The following UBP1 variants were observed in gnomAD, a reference collection of about 807,000 sequenced individuals.
The protein encoded by UBP1 is upstream-binding protein 1.
A neutral mutation model predicts 76.1 loss-of-function variants in UBP1; 22 were observed. The observed-to-expected ratio is 0.29, with a 90% CI of 0.21 to 0.41. UBP1 has a LOEUF of 0.41. UBP1 is among the 10% of genes least tolerant of loss of function. The pLI is 1.00. For missense variants in UBP1, 436 were observed against 668.1 expected (o/e 0.65, Z 3.83); for synonymous variants, 224 against 237.1 (o/e 0.94, Z 0.51).
At chr3:33,421,248 C>T (rs1467892571) in intron 2 of UBP1, among the ~76,000 whole-genome samples, 2 of 148,956 alleles carry the variant, frequency 1.3e-5, no homozygotes, top group Non-Finnish European at 3.0e-5. Context: ...AACTCCTCTT[C>T]TTATTCAGGC....
chr3:33,428,202 A>AAAAAAAAC (rs2045053039), intron 1 of UBP1, among the ~76,000 whole-genome samples: 1 of 151,622 alleles, frequency 6.6e-6, no homozygotes. Context: ...AAAAAAAAAA[A>AAAAAAAAC]AGAATCAGAT....
chr3:33,426,064 CTT>C (rs1407748989), intron 1 of UBP1, among the ~76,000 whole-genome samples: 2 of 122,078 alleles, frequency 1.6e-5, no homozygotes, highest in Non-Finnish European at 3.4e-5. Flanking sequence ...TCTTTTAAAA[CTT>C]TAAGGTCCAG....
chr3:33,428,448 T>C (rs1451796994), intron 1 of UBP1, among the ~76,000 whole-genome samples: 2 of 147,682 alleles, frequency 1.4e-5, no homozygotes, highest in African/African-American at 2.5e-5. Context: ...CAAAATAAGA[T>C]GTATAACTGC....
chr3:33,404,667 G>C lies in UBP1; in HGVS notation c.928-1763C>G, dbSNP rs138263127. 7.2e-5 allele frequency among the ~76,000 whole-genome samples: 11 copies of C among 151,944 alleles called. No individual in the cohort carries two copies. The East Asian group carries it at 1.7e-3, about 24-fold the overall frequency. On this transcript the variant is annotated intron_variant, in intron 8 of 15. Transcript: ENST00000283629. Reference sequence around the variant, plus strand: ...CATCTTGAAAAAAAGGAAAGAAAAAGTACATAACTCTAATGACTAAGTTTT... The same window carrying C: ...CATCTTGAAAAAAAGGAAAGAAAAACTACATAACTCTAATGACTAAGTTTT...
At chr3:33,439,703 CAG>C (rs1559696842) in intron 1 of UBP1, 31 bp downstream of exon 1, 1 of 1,606,178 alleles carries the variant, frequency 6.2e-7, no homozygotes, top group African/African-American at 1.3e-5. Context: ...CCCAAGGAGA[CAG>C]AGGCTTCTCC....
chr3:33,422,772 A>G (rs2044932371), intron 2 of UBP1, among the ~76,000 whole-genome samples: 1 of 129,824 alleles, frequency 7.7e-6, no homozygotes, highest in Admixed American at 7.9e-5. Context: ...GGGGGGGAGA[A>G]AGGGGGAGAA....
upstream of UBP1, chr3:33,441,195 C>T (rs1484195673): frequency 6.6e-6 from 1 of 152,306 alleles, no homozygotes; most frequent in Non-Finnish European, 1.5e-5. Flanking sequence ...GGGCACGCGC[C>T]ACTGCGGCCA....
chr3:33,435,914 T>A (rs887377090), intron 1 of UBP1, among the ~76,000 whole-genome samples: 8 of 152,196 alleles, frequency 5.3e-5, no homozygotes, highest in African/African-American at 1.9e-4. Flanking sequence ...ACAACAAAAA[T>A]TTTAAGTCAA....
chr3:33,393,601 TTCC>T (rs1420152739), intron 13 of UBP1, 147 bp from the exon 14 acceptor site: 1 of 659,172 alleles, frequency 1.5e-6, no homozygotes, highest in East Asian at 3.2e-5. Context: ...AACTATTTCT[TTCC>T]CCCATCTTAC....
chr3:33,421,663 G>A (rs2044897520), intron 2 of UBP1, among the ~76,000 whole-genome samples: 1 of 152,208 alleles, frequency 6.6e-6, no homozygotes, highest in Admixed American at 6.5e-5. Context: ...AGGAAAACTT[G>A]CTCCAATTTC....
chr3:33,420,290 T>C (rs574318745), intron 2 of UBP1, among the ~76,000 whole-genome samples: 1 of 152,300 alleles, frequency 6.6e-6, no homozygotes, highest in African/African-American at 2.4e-5. Context: ...CCAATAAACA[T>C]GCTGTTTCTA....
At chr3:33,420,574 C>T (rs185013753) in intron 2 of UBP1, among the ~76,000 whole-genome samples, 8 of 151,612 alleles carry the variant, frequency 5.3e-5, no homozygotes, top group South Asian at 2.1e-4. Context: ...CTGCAACCTC[C>T]GCCTCCTGGG....
chr3:33,432,268 G>A (rs2154059813), intron 1 of UBP1, among the ~76,000 whole-genome samples: 1 of 152,072 alleles, frequency 6.6e-6, no homozygotes, highest in South Asian at 2.1e-4. Context: ...AGGCTGCAGT[G>A]AGCCATGATT....
chr3:33,421,368 G>A (rs2044887809), intron 2 of UBP1, among the ~76,000 whole-genome samples: 1 of 152,178 alleles, frequency 6.6e-6, no homozygotes, highest in South Asian at 2.1e-4. Flanking sequence ...CACCTCCCAG[G>A]TTCAAGTGAT....
Position 33,390,139 on chromosome 3 carries a change from A to G in UBP1, c.*192T>C. The stretch of plus-strand genomic sequence containing the variant: ...CTGTGCCGATGTGCTCACTCTCATG[A>G]GGATGCTTGGCTATGGCAGTGACAG... On this transcript the variant is annotated 3_prime_UTR_variant, in exon 16 of 16. Transcript: ENST00000283629. 1 of 609,412 alleles carries G rather than the reference A, an allele frequency of 1.6e-6. No homozygotes were observed. The highest frequency in any genetic ancestry group is 2.9e-6 in the Non-Finnish European group (1 of 342,370). 37.8% of individuals were successfully genotyped at this position (609,412 alleles called of 1,614,324 possible). A position where few individuals can be genotyped will look rare whatever the true frequency, so the allele number is the denominator to read the frequency against.
At position 33,390,088 on chromosome 3, in the gene UBP1, C is replaced by T; in HGVS notation, c.*243G>A. On this transcript the variant is annotated 3_prime_UTR_variant, in exon 16 of 16. Transcript: ENST00000283629. ...AGAGCAGCAGGCAGCTATGCCTGCA[C>T]CGTGGCCTCCAGAGCTGGATGCATG... The T allele has an allele frequency of 2.1e-6, 1 of 470,140 alleles. No homozygotes were observed. The highest frequency in any genetic ancestry group is 5.0e-5 in the South Asian group (1 of 20,064). The allele number at this position is 470,140 out of a possible 1,614,324, so 29.1% of individuals were successfully genotyped here.
chr3:33,429,483 C>T lies in UBP1; in HGVS notation c.114-3742G>A, dbSNP rs185641894. 1.2e-3 allele frequency among the ~76,000 whole-genome samples: 179 copies of T among 152,196 alleles called. 1 individual carries two copies. Among genetic ancestry groups the T allele is most frequent in the African/African-American group, 4.1e-3 (172 of 41,538 alleles). The stretch of plus-strand genomic sequence containing the variant: ...TAGCTAGTATTACAGGCTTGTACCA[C>T]CATGCCTGGCTAATGTTTGTATTTT... On this transcript the variant is annotated intron_variant, in intron 1 of 15. Transcript: ENST00000283629.
intron 2 of UBP1, among the ~76,000 whole-genome samples, chr3:33,418,561 A>G (rs973821136): frequency 2.0e-5 from 3 of 151,994 alleles, no homozygotes; most frequent in African/African-American, 2.4e-5. Context: ...ACCCGGCCAT[A>G]AGAAGTATTT....
intron 1 of UBP1, among the ~76,000 whole-genome samples, chr3:33,432,516 T>C (rs2045131343): frequency 6.6e-6 from 1 of 152,156 alleles, no homozygotes. Context: ...AAGTAGTAAC[T>C]AAACAAATAC....
Sources: allele counts gnomAD v4.1 joint callset (sites outside exome capture counted in the v4.1 genomes callset), GRCh38; gene constraint gnomAD v4.1.1; transcripts MANE v1.5; gene names NCBI Gene and HGNC (gene_info 2026-07-23, HGNC 2026-07-21).